Variants in SLC8A1 observed in about 807,000 individuals in gnomAD.
SLC8A1 encodes sodium/calcium exchanger 1.
In SLC8A1, 18 loss-of-function variants were observed where a neutral mutation model predicts 68.3. That is an observed-to-expected ratio of 0.26 (90% confidence interval 0.18 to 0.39). The LOEUF is 0.39. Ranked by LOEUF, SLC8A1 falls within the 10% of genes least tolerant of loss-of-function variation. SLC8A1 has a pLI of 1.00. For missense variants in SLC8A1, 985 were observed against 1,156.7 expected, an observed-to-expected ratio of 0.85 and a Z score of 2.15; for synonymous variants, 475 against 415.5, an observed-to-expected ratio of 1.14 and a Z score of -1.74.
chr2:40,338,057 G>C (rs1243264588), intron 2 of SLC8A1, among the ~76,000 whole-genome samples: 1 of 152,002 alleles, frequency 6.6e-6, no homozygotes, highest in African/African-American at 2.4e-5. Context: ...GTCTGAAAGT[G>C]CTCTGTCTTA....
At chr2:40,477,744 T>C (rs143593176) in intron 1 of SLC8A1, among the ~76,000 whole-genome samples, 3 of 152,250 alleles carry the variant, frequency 2.0e-5, no homozygotes, top group African/African-American at 7.2e-5. Flanking sequence ...CTGTGCGTAG[T>C]GTGTATGTGT....
chr2:40,458,075 G>C (rs182520188), intron 1 of SLC8A1, among the ~76,000 whole-genome samples: 2 of 152,320 alleles, frequency 1.3e-5, no homozygotes, highest in Admixed American at 6.5e-5. Flanking sequence ...ATGGTTCTAT[G>C]ATTCAGCCAG....
In SLC8A1 at chr2:40,181,235, C is replaced by T. The variant is rs190768466; in HGVS notation, c.1809-3380G>A. Among the ~76,000 whole-genome samples, 70 of 152,314 alleles carry T rather than the reference C, an allele frequency of 4.6e-4. 2 individuals are homozygous for T. The highest frequency in any genetic ancestry group is 3.9e-3 in the Admixed American group (59 of 15,308). On this transcript the variant is annotated intron_variant, in intron 2 of 7. Transcript: ENST00000406785. ...TTGGCCTCCCAAAGTGCTGGGATTA[C>T]AGGGGTGAGCCACCACACCTGGCCT... is the stretch of plus-strand genomic sequence containing the variant.
intron 2 of SLC8A1, among the ~76,000 whole-genome samples, chr2:40,389,552 C>G (rs1019043111): frequency 6.6e-6 from 1 of 151,704 alleles, no homozygotes; most frequent in Non-Finnish European, 1.5e-5. Context: ...ACCAAAAATC[C>G]CAAGTCTACC....
At chr2:40,127,634 G>T (rs369855944) in intron 7 of SLC8A1, among the ~76,000 whole-genome samples, 65 of 152,258 alleles carry the variant, frequency 4.3e-4, no homozygotes, top group African/African-American at 1.5e-3. Context: ...GGTCATTTTA[G>T]TCTGGAGCTA....
chr2:40,452,338 G>C (rs1702664110), upstream of SLC8A1, among the ~76,000 whole-genome samples: 1 of 152,046 alleles, frequency 6.6e-6, no homozygotes, highest in Non-Finnish European at 1.5e-5. Context: ...CTGGAGCACC[G>C]AGCGGGTGGG....
intron 2 of SLC8A1, among the ~76,000 whole-genome samples, chr2:40,286,966 G>C (rs2068419527): frequency 6.6e-6 from 1 of 152,192 alleles, no homozygotes; most frequent in African/African-American, 2.4e-5. Flanking sequence ...AGTGCAATTT[G>C]AGACATGGAG....
At chr2:40,392,297 A>C (rs1044915058) in intron 2 of SLC8A1, among the ~76,000 whole-genome samples, 9 of 152,084 alleles carry the variant, frequency 5.9e-5, no homozygotes, top group African/African-American at 1.9e-4. Flanking sequence ...GATCTTTATC[A>C]TCACATTTAA....
intron 2 of SLC8A1, among the ~76,000 whole-genome samples, chr2:40,354,257 G>A (rs987535249): frequency 7.9e-5 from 12 of 152,130 alleles, no homozygotes; most frequent in Admixed American, 7.9e-4. Flanking sequence ...TTGTTTCTTA[G>A]TGTGATTTGA....
intron 6 of SLC8A1, among the ~76,000 whole-genome samples, chr2:40,158,875 G>C (rs1272664773): frequency 6.6e-6 from 1 of 152,162 alleles, no homozygotes; most frequent in East Asian, 1.9e-4. Context: ...AAGTAAGGCA[G>C]TATTAACATC....
intron 2 of SLC8A1, among the ~76,000 whole-genome samples, chr2:40,312,578 T>C (rs1015634948): frequency 6.6e-6 from 1 of 152,148 alleles, no homozygotes; most frequent in African/African-American, 2.4e-5. Flanking sequence ...AATATGTATA[T>C]GGAAGCAAAT....
intron 2 of SLC8A1, among the ~76,000 whole-genome samples, chr2:40,236,632 A>G (rs1419830637): frequency 6.6e-6 from 1 of 151,646 alleles, no homozygotes; most frequent in Non-Finnish European, 1.5e-5. Context: ...TGTGAATTTG[A>G]TCCTGTCATT....
intron 2 of SLC8A1, among the ~76,000 whole-genome samples, chr2:40,288,662 T>C (rs914278645): frequency 3.3e-5 from 5 of 151,996 alleles, no homozygotes; most frequent in Admixed American, 6.6e-5. Context: ...ATCATCCGCA[T>C]AGTATTTACA....
At chr2:40,247,298 T>A (rs547883290) in intron 2 of SLC8A1, among the ~76,000 whole-genome samples, 3 of 152,204 alleles carry the variant, frequency 2.0e-5, no homozygotes, top group African/African-American at 7.2e-5. Flanking sequence ...TCTACCATGG[T>A]CCTGAACAGC....
intron 2 of SLC8A1, among the ~76,000 whole-genome samples, chr2:40,232,712 C>T (rs1413137365): frequency 1.6e-5 from 2 of 124,610 alleles, no homozygotes; most frequent in Non-Finnish European, 3.5e-5. Context: ...AACTCGTCAT[C>T]TAGCATTAGG....
chr2:40,354,759 A>G (rs2149457384), intron 2 of SLC8A1, among the ~76,000 whole-genome samples: 1 of 152,330 alleles, frequency 6.6e-6, no homozygotes, highest in Non-Finnish European at 1.5e-5. Context: ...AATGCTAGGA[A>G]AAAGTTCTCA....
At position 40,314,605 on chromosome 2, in the gene SLC8A1, C is replaced by G. The variant is rs553814261; in HGVS notation, c.1808+113868G>C. ...AGATCAATTTGGGAAGAACGATTAT[C>G]TTAAAAATATGATGTTTTCTGACCT... On this transcript the variant is annotated intron_variant, in intron 2 of 7. Coordinates refer to ENST00000406785, the Ensembl canonical transcript of SLC8A1. Among the ~76,000 whole-genome samples, 27 of 152,026 alleles carry G rather than the reference C, an allele frequency of 1.8e-4. No individual in the cohort carries two copies. The South Asian group carries it at 5.2e-3, about 29-fold the overall frequency.
chr2:40,117,808 T>C (rs528751524), intron 7 of SLC8A1, among the ~76,000 whole-genome samples: 1 of 152,290 alleles, frequency 6.6e-6, no homozygotes, highest in South Asian at 2.1e-4. Context: ...ATTGCCACCA[T>C]CCTTCCTCCG....
rs117532198 is a variant in SLC8A1, at chr2:40,123,915, G to A, written c.2438-8286C>T. ...AATCTAGGGCTGCCCTGCACAGATC[G>A]GTGTCCTCTGACTCGCTTCTCCTCC... is the stretch of plus-strand genomic sequence containing the variant. On this transcript the variant is annotated intron_variant, in intron 7 of 7. Coordinates refer to ENST00000406785, the Ensembl canonical transcript of SLC8A1. Among the ~76,000 whole-genome samples, 162 of 152,180 alleles carry A rather than the reference G, an allele frequency of 1.1e-3. 2 individuals are homozygous for A. The East Asian group carries it at 0.014, about 13-fold the overall frequency.
Sources: allele counts gnomAD v4.1 joint callset (sites outside exome capture counted in the v4.1 genomes callset), GRCh38; gene constraint gnomAD v4.1.1; transcripts MANE v1.5; gene names NCBI Gene and HGNC (gene_info 2026-07-23, HGNC 2026-07-21).